The following TENM2 variants were observed in gnomAD, a reference collection of about 807,000 sequenced individuals.
TENM2 encodes the protein teneurin transmembrane protein 2.
In TENM2, 52 loss-of-function variants were observed where a neutral mutation model predicts 245.2. The ratio of observed to expected loss-of-function variants is 0.21; its 90% CI spans 0.17 to 0.27. The LOEUF (loss-of-function observed/expected upper bound fraction) is 0.27, where lower values mean the gene tolerates loss of function less well. Ranked by LOEUF, TENM2 falls within the 10% of genes least tolerant of loss-of-function variation. The probability of loss-of-function intolerance (pLI) is 1.00; values close to 1 mark genes in which losing one functional copy is unlikely to be tolerated. For synonymous variants in TENM2, 1,363 were observed against 1,438.9 expected (o/e 0.95, Z 1.19); for missense variants, 3,046 against 3,666.8 (o/e 0.83, Z 4.37).
intron 9 of TENM2, among the ~76,000 whole-genome samples, chr5:168,106,984 A>G (rs1264135258): frequency 6.6e-6 from 1 of 152,096 alleles, no homozygotes; most frequent in African/African-American, 2.4e-5. Context: ...TGCTTGAACC[A>G]AGGAGGTGGA....
the TENM2 span, among the ~76,000 whole-genome samples, chr5:167,105,887 CAAAAAAAAAAAAAAAAAAAAAA>C: frequency 0.015 from 742 of 48,832 alleles, 9 homozygotes; most frequent in Middle Eastern, 0.074. Flanking sequence ...GACTCCGTCT[CAAAAAAAAAAAAAAAAAAAAAA>C]AAAAAAAAAA....
chr5:167,057,122 C>G, the TENM2 span, among the ~76,000 whole-genome samples: 1 of 152,088 alleles, frequency 6.6e-6, no homozygotes, highest in Non-Finnish European at 1.5e-5. Context: ...TACTAATGGG[C>G]CAGTTAATAG....
At chr5:167,886,271 A>G (rs1021499145) in intron 3 of TENM2, among the ~76,000 whole-genome samples, 5 of 152,242 alleles carry the variant, frequency 3.3e-5, no homozygotes, top group African/African-American at 1.2e-4. Flanking sequence ...AGAGTGATAT[A>G]TAGAAATTTA....
In TENM2 at chr5:167,720,397, C is replaced by T. The variant is rs115176706; in HGVS notation, c.503-155589C>T. 7.0e-3 allele frequency among the ~76,000 whole-genome samples: 1,068 copies of T among 152,304 alleles called. 25 individuals are homozygous for T. The highest frequency in any genetic ancestry group is 0.024 in the African/African-American group (1,018 of 41,560). ...ATAGTCCAGGCAGTGATGAAACCAA[C>T]GGATGTTCCAGTACATACTTCCCTT... is the stretch of plus-strand genomic sequence containing the variant. On this transcript the variant is annotated intron_variant, in intron 2 of 28. Coordinates refer to ENST00000518659, the Ensembl canonical transcript of TENM2.
intron 5 of TENM2, among the ~76,000 whole-genome samples, chr5:168,020,496 T>C (rs889797345): frequency 1.2e-4 from 18 of 152,314 alleles, no homozygotes; most frequent in Non-Finnish European, 2.1e-4. Context: ...GTTTCCTGTT[T>C]TGGGTTTTTG....
At chr5:168,178,207 C>A (rs575099464) in intron 13 of TENM2, among the ~76,000 whole-genome samples, 24 of 152,310 alleles carry the variant, frequency 1.6e-4, no homozygotes, top group African/African-American at 5.5e-4. Context: ...CTGAGGGCCC[C>A]AGCAGGTCAC....
downstream of TENM2, chr5:168,263,197 A>C: frequency 5.8e-6 from 1 of 172,274 alleles, no homozygotes; most frequent in African/African-American, 2.4e-5. Context: ...ACAAAACAAA[A>C]CAAACACACG....
At chr5:167,327,010 C>T (rs964228796) in intron 1 of TENM2, among the ~76,000 whole-genome samples, 1 of 151,998 alleles carries the variant, frequency 6.6e-6, no homozygotes, top group African/African-American at 2.4e-5. Context: ...TAACATTAAA[C>T]ATTTATTCTT....
chr5:167,096,068 G>A, the TENM2 span, among the ~76,000 whole-genome samples: 1 of 152,070 alleles, frequency 6.6e-6, no homozygotes, highest in Admixed American at 6.6e-5. Flanking sequence ...CACCACGCCT[G>A]GCAAAGCAAG....
At chr5:168,206,543 G>A (rs1366184158) in intron 19 of TENM2, among the ~76,000 whole-genome samples, 1 of 152,180 alleles carries the variant, frequency 6.6e-6, no homozygotes, top group East Asian at 1.9e-4. Context: ...GTGGAGGAGG[G>A]GGCATGGTAA....
At chr5:167,125,837 C>T in the TENM2 span, among the ~76,000 whole-genome samples, 3 of 152,078 alleles carry the variant, frequency 2.0e-5, no homozygotes, top group Non-Finnish European at 4.4e-5. Context: ...TTGTTAAGTC[C>T]ACTTATGGTA....
chr5:167,478,613 A>G (rs1767552360), intron 2 of TENM2, among the ~76,000 whole-genome samples: 1 of 152,204 alleles, frequency 6.6e-6, no homozygotes, highest in Non-Finnish European at 1.5e-5. Context: ...GTTACTCTAT[A>G]TTGGACTTAT....
intron 2 of TENM2, among the ~76,000 whole-genome samples, chr5:167,388,046 G>A (rs1199195102): frequency 6.6e-6 from 1 of 152,146 alleles, no homozygotes; most frequent in Non-Finnish European, 1.5e-5. Context: ...ATAATATAGG[G>A]AGGTTTCCCT....
chr5:167,228,171 A>C, the TENM2 span, among the ~76,000 whole-genome samples: 58 of 152,006 alleles, frequency 3.8e-4, no homozygotes, highest in Non-Finnish European at 5.7e-4. Flanking sequence ...TGGGGACTAC[A>C]GGTGTGCATC....
At chr5:167,160,709 A>G in the TENM2 span, among the ~76,000 whole-genome samples, 275 of 152,264 alleles carry the variant, frequency 1.8e-3, 4 homozygotes, top group African/African-American at 6.5e-3. Context: ...GCACTTATCA[A>G]CACTCTAATT....
intron 2 of TENM2, among the ~76,000 whole-genome samples, chr5:167,695,245 G>C (rs1757685184): frequency 6.6e-6 from 1 of 152,150 alleles, no homozygotes; most frequent in South Asian, 2.1e-4. Context: ...AAGTATCTTA[G>C]GCTTTGCAGG....
intron 2 of TENM2, among the ~76,000 whole-genome samples, chr5:167,594,279 T>C (rs1414593751): frequency 6.6e-6 from 1 of 152,192 alleles, no homozygotes; most frequent in Non-Finnish European, 1.5e-5. Flanking sequence ...TCCCCATTGA[T>C]AGATAACATC....
At chr5:167,729,748 T>A (rs796458061) in intron 2 of TENM2, among the ~76,000 whole-genome samples, 8 of 152,324 alleles carry the variant, frequency 5.3e-5, no homozygotes, top group African/African-American at 1.9e-4. Flanking sequence ...GTGTCAAAAT[T>A]AGATTTGTTT....
At chr5:167,113,964 G>A in the TENM2 span, among the ~76,000 whole-genome samples, 1 of 152,228 alleles carries the variant, frequency 6.6e-6, no homozygotes, top group East Asian at 1.9e-4. Context: ...TATGCAAAGA[G>A]TACATTAGAG....
Sources: allele counts gnomAD v4.1 joint callset (sites outside exome capture counted in the v4.1 genomes callset), GRCh38; gene constraint gnomAD v4.1.1; transcripts MANE v1.5; gene names NCBI Gene and HGNC (gene_info 2026-07-23, HGNC 2026-07-21).